The following ZNF721 variants were observed in gnomAD, a reference collection of about 807,000 sequenced individuals.
ZNF721 encodes the protein zinc finger protein 721.
ZNF721 carries 2 observed loss-of-function variants against 2.4 expected under a neutral mutation model. The observed-to-expected ratio is 0.82, with a 90% CI of 0.34 to 2.58. The LOEUF is 2.58. Ranked by LOEUF, ZNF721 falls within the 30% of genes most tolerant of loss-of-function variation. ZNF721 has a pLI of 0.11. For missense variants in ZNF721, 1,187 were observed against 1,085.5 expected (o/e 1.09, Z -1.31); for synonymous variants, 398 against 381.8 (o/e 1.04, Z -0.50).
rs782803244 is a variant in ZNF721, at chr4:443,511, T to C, written c.956A>G (p.Asn319Ser). ...VCGKAFRQSA[N>S]LYVHRRIHTG... ...ATGAATTCTCCTATGTACATAAAGG[T>C]TTGCGGACTGTCTAAAGGCTTTGCC... The change falls in exon 3 of 3, where the codon AAC becomes AGC. Residue 319 changes from asparagine to serine, a missense_variant. Asn to Ser is a conservative substitution (Grantham distance 46). Transcript: ENST00000511833. The C allele has an allele frequency of 6.2e-7, 1 of 1,613,336 alleles. No individual in the cohort carries two copies. The highest frequency in any genetic ancestry group is 8.5e-7 in the Non-Finnish European group (1 of 1,179,814).
chr4:487,571 C>T (rs1206354680), intron 1 of ZNF721, among the ~76,000 whole-genome samples: 3 of 152,182 alleles, frequency 2.0e-5, no homozygotes, highest in African/African-American at 4.8e-5. Context: ...GTAATATATA[C>T]ACCCATTAAA....
rs1340267009 is a variant in ZNF721 at position 440,535 on chromosome 4, G to A, written c.*1160C>T. The A allele has an allele frequency of 2.0e-5, 3 of 152,152 alleles. No individual in the cohort carries two copies. Among genetic ancestry groups the A allele is most frequent in the African/African-American group, 4.8e-5 (2 of 41,450 alleles). 9.4% of individuals were successfully genotyped at this position (152,152 alleles called of 1,614,324 possible). A position where few individuals can be genotyped will look rare whatever the true frequency, so the allele number is the denominator to read the frequency against. On this transcript the variant is annotated 3_prime_UTR_variant, in exon 3 of 3. Transcript: ENST00000511833. The stretch of plus-strand genomic sequence containing the variant: ...ACTCTGATTTATTTTAAAGTCTGAA[G>A]TGTTAGTTCCTTAGTTCTTTCTACT...
At chr4:460,175 G>A (rs1310361053) in intron 2 of ZNF721, among the ~76,000 whole-genome samples, 3 of 152,082 alleles carry the variant, frequency 2.0e-5, no homozygotes, top group Non-Finnish European at 4.4e-5. Flanking sequence ...TTAATCTAAA[G>A]TTGACCACAT....
chr4:493,211 T>C (rs1271132915), intron 1 of ZNF721, among the ~76,000 whole-genome samples: 2 of 152,156 alleles, frequency 1.3e-5, no homozygotes, highest in Non-Finnish European at 2.9e-5. Context: ...CAGATTCCAT[T>C]TTCCTTTTAA....
In ZNF721 at chr4:443,478, T is replaced by C; in HGVS notation, c.989A>G (p.Glu330Gly). 1 of 1,613,930 alleles carries C rather than the reference T, an allele frequency of 6.2e-7. No individual in the cohort carries two copies. The highest frequency in any genetic ancestry group is 1.3e-5 in the African/African-American group (1 of 75,052). Residue 330 changes from glutamate (E) to glycine (G), a missense_variant, in exon 3 of 3, where the codon GAG becomes GGG. Coordinates refer to ENST00000511833, the MANE Select transcript of ZNF721 (RefSeq NM_133474.4). ...ACATTCTCCACATGTGTAGGGTTTC[T>C]CTCCAGTATGAATTCTCCTATGTAC... ...LYVHRRIHTGEKPYTCGECGK... is the reference protein window; with the variant it reads ...LYVHRRIHTGGKPYTCGECGK...
chr4:447,440 G>C (rs1370842016), intron 2 of ZNF721, among the ~76,000 whole-genome samples: 1 of 151,790 alleles, frequency 6.6e-6, no homozygotes, highest in Non-Finnish European at 1.5e-5. Context: ...AGAAGTAAAG[G>C]TGTATCAGTA....
At chr4:477,254 CTTTTT>C (rs35272784) in intron 1 of ZNF721, among the ~76,000 whole-genome samples, 6 of 74,168 alleles carry the variant, frequency 8.1e-5, no homozygotes, top group Non-Finnish European at 1.3e-4. Flanking sequence ...TGGTGAGTTC[CTTTTT>C]TTTTTTTTTT....
intron 2 of ZNF721, among the ~76,000 whole-genome samples, chr4:448,331 C>G (rs1553864425): frequency 6.6e-6 from 1 of 151,296 alleles, no homozygotes; most frequent in African/African-American, 2.4e-5. Context: ...AGCTACTGGA[C>G]AGGCTGAGGG....
intron 2 of ZNF721, among the ~76,000 whole-genome samples, chr4:471,769 A>G (rs1553867710): frequency 6.6e-6 from 1 of 152,188 alleles, no homozygotes; most frequent in Non-Finnish European, 1.5e-5. Context: ...ATCATGATCT[A>G]TATGAGGTAA....
chr4:467,951 A>C (rs1374649353), intron 2 of ZNF721, among the ~76,000 whole-genome samples: 8 of 151,516 alleles, frequency 5.3e-5, no homozygotes, highest in African/African-American at 1.9e-4. Flanking sequence ...CCTGGCTAAC[A>C]CAGTGAAACC....
chr4:449,117 C>T (rs1249161139), intron 2 of ZNF721, among the ~76,000 whole-genome samples: 3 of 152,074 alleles, frequency 2.0e-5, no homozygotes, highest in African/African-American at 4.8e-5. Flanking sequence ...TGAGTGTTAG[C>T]TTTGCAAGAT....
rs1205295172 is a variant in ZNF721 at position 465,999 on chromosome 4, C to CT, written c.34+6575dup. On this transcript the variant is annotated intron_variant, in intron 2 of 2. Transcript: ENST00000511833. ...TCTTTTTTGTTGTCGTTTTTCTTTT[C>CT]TTTTTTTTTTTTTTTGAGGTGGAGT... Among the ~76,000 whole-genome samples the CT allele has an allele frequency of 7.8e-3, 1,041 of 134,214 alleles. 4 individuals are homozygous for CT. The highest frequency in any genetic ancestry group is 0.015 in the Middle Eastern group (4 of 262). 88.0% of individuals were successfully genotyped at this position (134,214 alleles called of 152,430 possible).
At chr4:449,867 A>G (rs782386907) in intron 2 of ZNF721, among the ~76,000 whole-genome samples, 1 of 152,202 alleles carries the variant, frequency 6.6e-6, no homozygotes, top group East Asian at 1.9e-4. Context: ...CTTCACTCCA[A>G]TTAGAATGAC....
At chr4:484,589 C>T (rs1488074588) in intron 1 of ZNF721, among the ~76,000 whole-genome samples, 3 of 152,208 alleles carry the variant, frequency 2.0e-5, no homozygotes, top group African/African-American at 7.2e-5. Flanking sequence ...CCAGGCATGG[C>T]CATCTCTTAT....
At chr4:480,179 A>G (rs1315192948) in intron 1 of ZNF721, among the ~76,000 whole-genome samples, 1 of 152,050 alleles carries the variant, frequency 6.6e-6, no homozygotes, top group Non-Finnish European at 1.5e-5. Flanking sequence ...CTCTAAAAAC[A>G]TAACCCCAAC....
At chr4:460,645 TCAA>T (rs1715036367) in intron 2 of ZNF721, among the ~76,000 whole-genome samples, 1 of 129,956 alleles carries the variant, frequency 7.7e-6, no homozygotes. Flanking sequence ...AAAAAAAAAA[TCAA>T]CAAATCCAGG....
intron 1 of ZNF721, among the ~76,000 whole-genome samples, chr4:495,172 G>A (rs1288485536): frequency 6.6e-6 from 1 of 151,730 alleles, no homozygotes; most frequent in Non-Finnish European, 1.5e-5. Flanking sequence ...ATAAGCCACC[G>A]CGCCCAGCCT....
chr4:470,574 C>A (rs1715399951), intron 2 of ZNF721, among the ~76,000 whole-genome samples: 2 of 151,978 alleles, frequency 1.3e-5, no homozygotes, highest in African/African-American at 4.8e-5. Context: ...TTAGCCAAGT[C>A]TAGTGGTGCA....
intron 2 of ZNF721, among the ~76,000 whole-genome samples, chr4:457,948 T>C (rs1011624563): frequency 6.6e-6 from 1 of 152,330 alleles, no homozygotes; most frequent in East Asian, 1.9e-4. Context: ...AGAAATGCCA[T>C]GAACCCAAAA....
Sources: gnomAD v4.1 joint callset for allele counts (sites outside exome capture counted in the v4.1 genomes callset) on GRCh38, gnomAD v4.1.1 for gene constraint, MANE v1.5 for transcripts, NCBI Gene and HGNC (gene_info 2026-07-23, HGNC 2026-07-21) for gene names.